Variants in ZNF83 observed in about 807,000 individuals in gnomAD.
The protein encoded by ZNF83 is zinc finger protein 83, also known as zinc finger protein 816B.
For synonymous variants in ZNF83, 209 were observed against 213.0 expected (o/e 0.98, Z 0.17); for missense variants, 552 against 629.9 (o/e 0.88, Z 1.32).
chr19:52,673,054 C>T (rs1377291351), intron 1 of ZNF83, among the ~76,000 whole-genome samples: 1 of 151,648 alleles, frequency 6.6e-6, no homozygotes, highest in African/African-American at 2.4e-5. Context: ...CCTGTCTCTA[C>T]CAAAAATACA....
intron 1 of ZNF83, among the ~76,000 whole-genome samples, chr19:52,637,743 A>G (rs551804840): frequency 5.3e-4 from 80 of 152,252 alleles, no homozygotes; most frequent in African/African-American, 1.9e-3. Flanking sequence ...TGGGCAGGCA[A>G]GAACACCCCG....
intron 2 of ZNF83, among the ~76,000 whole-genome samples, chr19:52,631,123 G>C (rs555321704): frequency 2.6e-5 from 2 of 76,086 alleles, no homozygotes; most frequent in African/African-American, 5.0e-5. Flanking sequence ...AAATTACCTG[G>C]GGCTGTACTG....
At chr19:52,676,473 C>G (rs543365451) in intron 1 of ZNF83, among the ~76,000 whole-genome samples, 7 of 151,928 alleles carry the variant, frequency 4.6e-5, no homozygotes, top group Non-Finnish European at 1.0e-4. Context: ...TGCCCCGGCC[C>G]GGCTAGCCTC....
intron 2 of ZNF83, among the ~76,000 whole-genome samples, chr19:52,633,578 C>T (rs2061045923): frequency 6.6e-6 from 1 of 152,138 alleles, no homozygotes. Context: ...GGCCAAGGGC[C>T]TAAGATGCAG....
intron 3 of ZNF83, among the ~76,000 whole-genome samples, chr19:52,647,010 T>G (rs932452124): frequency 8.5e-5 from 13 of 152,208 alleles, no homozygotes; most frequent in Admixed American, 2.0e-4. Context: ...CTTAGCTTTC[T>G]GGATGTGAGT....
At chr19:52,643,386 T>C (rs375688777) in intron 3 of ZNF83, among the ~76,000 whole-genome samples, 19 of 146,500 alleles carry the variant, frequency 1.3e-4, no homozygotes, top group Non-Finnish European at 2.2e-4. Flanking sequence ...GCATTAACGA[T>C]GTGAGTGATG....
At chr19:52,613,802 G>A in exon 3 of ZNF83, 1 of 1,613,928 alleles carries the variant, frequency 6.2e-7, no homozygotes, top group Admixed American at 1.7e-5. Flanking sequence ...TCTCCAGTAT[G>A]AATGATCAGA....
intron 2 of ZNF83, among the ~76,000 whole-genome samples, chr19:52,656,434 G>A (rs2061505879): frequency 6.6e-6 from 1 of 152,058 alleles, no homozygotes. Context: ...CCGAGGCAGG[G>A]GAATTGCTTC....
At chr19:52,613,602 C>T (rs7247359) in exon 3 of ZNF83, 20 of 1,597,318 alleles carry the variant, frequency 1.3e-5, no homozygotes, top group Admixed American at 1.7e-5. Flanking sequence ...CCTTGCCACA[C>T]TCATTACATT....
chr19:52,687,185 A>C (rs939941148), intron 1 of ZNF83, among the ~76,000 whole-genome samples: 4 of 148,408 alleles, frequency 2.7e-5, no homozygotes, highest in African/African-American at 7.4e-5. Flanking sequence ...CCATCTCAAA[A>C]AAAAAAAAAA....
intron 2 of ZNF83, among the ~76,000 whole-genome samples, chr19:52,657,646 G>A (rs1437368834): frequency 4.0e-5 from 6 of 151,056 alleles, no homozygotes; most frequent in African/African-American, 2.4e-5. Flanking sequence ...TCAGGAATTC[G>A]CGACCAGCCT....
intron 2 of ZNF83, among the ~76,000 whole-genome samples, chr19:52,619,692 A>C (rs529069184): frequency 6.6e-6 from 1 of 152,186 alleles, no homozygotes; most frequent in East Asian, 1.9e-4. Context: ...TCTAGATGAG[A>C]TAGAGCATGA....
At chr19:52,676,926 C>T (rs2061821651) in intron 1 of ZNF83, among the ~76,000 whole-genome samples, 1 of 138,648 alleles carries the variant, frequency 7.2e-6, no homozygotes, top group East Asian at 2.0e-4. Flanking sequence ...TGCTTGAAGG[C>T]AGCATGCTCC....
Position 52,664,754 on chromosome 19 carries a change from G to A in ZNF83, c.-282-3911C>T, listed in dbSNP as rs549047374. On this transcript the variant is annotated intron_variant, in intron 1 of 5. Transcript: ENST00000594682. ...GCATGAAGGACAAGGGGCCTGGTGTGGGGGGGTGAGGGGGGAAGAGGCCTG... is the reference window on the plus strand; with the variant it reads ...GCATGAAGGACAAGGGGCCTGGTGTAGGGGGGTGAGGGGGGAAGAGGCCTG... Among the ~76,000 whole-genome samples, 3 of 151,586 alleles carry A rather than the reference G, an allele frequency of 2.0e-5. No homozygotes were observed. The East Asian group carries it at 5.9e-4, about 30-fold the overall frequency.
chr19:52,620,910 A>AC (rs1381091593), intron 2 of ZNF83, among the ~76,000 whole-genome samples: 1 of 151,856 alleles, frequency 6.6e-6, no homozygotes, highest in African/African-American at 2.4e-5. Context: ...GCACTTTGTG[A>AC]CCCCCTCCTC....
intron 2 of ZNF83, among the ~76,000 whole-genome samples, chr19:52,657,761 C>A (rs1054302883): frequency 6.6e-6 from 1 of 151,394 alleles, no homozygotes; most frequent in Admixed American, 6.6e-5. Context: ...GCAGGAGAAT[C>A]GCTTGAACCT....
At chr19:52,617,676 A>AGT (rs2060362523) in intron 2 of ZNF83, 1 of 149,870 alleles carries the variant, frequency 6.7e-6, no homozygotes, top group Admixed American at 6.7e-5. Context: ...GGTTACAGTG[A>AGT]ACCGAGATCG....
chr19:52,676,036 G>A (rs1434393523), intron 1 of ZNF83, among the ~76,000 whole-genome samples: 1 of 151,064 alleles, frequency 6.6e-6, no homozygotes, highest in Non-Finnish European at 1.5e-5. Flanking sequence ...TAACAATACA[G>A]CTCTCGCTCT....
intron 2 of ZNF83, among the ~76,000 whole-genome samples, chr19:52,628,663 T>C (rs1434350600): frequency 1.3e-5 from 2 of 152,026 alleles, no homozygotes; most frequent in Non-Finnish European, 2.9e-5. Flanking sequence ...TCCGCTTTTC[T>C]AGGGAAGGTG....
Sources: gnomAD v4.1 joint callset for allele counts (sites outside exome capture counted in the v4.1 genomes callset) on GRCh38, gnomAD v4.1.1 for gene constraint, MANE v1.5 for transcripts, NCBI Gene and HGNC (gene_info 2026-07-23, HGNC 2026-07-21) for gene names.